Variants in SLIT2 observed in about 807,000 individuals in gnomAD.
The protein encoded by SLIT2 is slit homolog 2 protein.
SLIT2 carries 41 observed loss-of-function variants against 185.7 expected under a neutral mutation model. The observed-to-expected ratio is 0.22, with a 90% CI of 0.17 to 0.29. SLIT2 has a LOEUF of 0.29. Among genes scored for constraint, SLIT2 ranks in the 10% least tolerant of loss-of-function variants. The pLI is 1.00. For missense variants in SLIT2, 1,571 were observed against 1,909.0 expected, an observed-to-expected ratio of 0.82 and a Z score of 3.30; for synonymous variants, 693 against 680.2, an observed-to-expected ratio of 1.02 and a Z score of -0.29.
rs116343656 is a variant in SLIT2 at position 20,382,410 on chromosome 4, G to A, written c.396-85342G>A. ...AGCAGTAGAGCCTTCTAACATGATC[G>A]TTTTTGTAGAAAATCTTGAGGAATT... On this transcript the variant is annotated intron_variant, in intron 4 of 36. Transcript: ENST00000504154. Among the ~76,000 whole-genome samples the A allele has an allele frequency of 4.5e-3, 688 of 152,106 alleles. 1 individual carries two copies. The highest frequency in any genetic ancestry group is 7.5e-3 in the Non-Finnish European group (507 of 67,972).
chr4:20,336,578 G>A (rs1389486071), intron 4 of SLIT2, among the ~76,000 whole-genome samples: 1 of 152,084 alleles, frequency 6.6e-6, no homozygotes, highest in Non-Finnish European at 1.5e-5. Context: ...AATACCTAAT[G>A]TAGATGATGA....
intron 29 of SLIT2, among the ~76,000 whole-genome samples, chr4:20,578,701 C>T (rs1321460278): frequency 6.6e-6 from 1 of 152,114 alleles, no homozygotes; most frequent in African/African-American, 2.4e-5. Context: ...TTACGTGTGC[C>T]AGCAACACCA....
intron 18 of SLIT2, among the ~76,000 whole-genome samples, chr4:20,537,970 A>G (rs1314616989): frequency 2.0e-5 from 3 of 151,902 alleles, no homozygotes; most frequent in African/African-American, 7.3e-5. Flanking sequence ...CTATTTATTT[A>G]TTTATTTGAG....
At chr4:20,430,863 G>A (rs1728918156) in intron 4 of SLIT2, among the ~76,000 whole-genome samples, 1 of 152,084 alleles carries the variant, frequency 6.6e-6, no homozygotes, top group Admixed American at 6.5e-5. Context: ...TTTTACCACA[G>A]GCTCTACATT....
chr4:20,285,654 C>T (rs1715195337), intron 4 of SLIT2, among the ~76,000 whole-genome samples: 1 of 152,060 alleles, frequency 6.6e-6, no homozygotes, highest in South Asian at 2.1e-4. Context: ...TTCAAGTGAT[C>T]CTCCCTCCTA....
At chr4:20,449,562 C>T (rs532451306) in intron 4 of SLIT2, among the ~76,000 whole-genome samples, 69 of 152,148 alleles carry the variant, frequency 4.5e-4, no homozygotes, top group African/African-American at 1.3e-3. Context: ...GCACACACCA[C>T]CACGCCCAGC....
intron 26 of SLIT2, among the ~76,000 whole-genome samples, chr4:20,559,025 G>A (rs1724483679): frequency 6.6e-6 from 1 of 151,906 alleles, no homozygotes; most frequent in South Asian, 2.1e-4. Context: ...GGAGGGCTGT[G>A]AAAGATGTAA....
At chr4:20,339,768 C>G (rs542775150) in intron 4 of SLIT2, among the ~76,000 whole-genome samples, 2 of 152,060 alleles carry the variant, frequency 1.3e-5, no homozygotes, top group Non-Finnish European at 2.9e-5. Context: ...TCTTGGATTT[C>G]TATCCTGAAG....
At chr4:20,544,888 T>G (rs972426668) in intron 21 of SLIT2, among the ~76,000 whole-genome samples, 1 of 151,930 alleles carries the variant, frequency 6.6e-6, no homozygotes, top group Non-Finnish European at 1.5e-5. Flanking sequence ...TCTAGTGGTA[T>G]CAAGAAAAAC....
chr4:20,568,782 T>G, intron 28 of SLIT2, 83 bp from the exon 29 acceptor site: 1 of 1,265,874 alleles, frequency 7.9e-7, no homozygotes, highest in Non-Finnish European at 1.1e-6. Flanking sequence ...ATGAGTGTAA[T>G]TATGCTTTTT....
At chr4:20,595,265 T>C (rs1360434974) in intron 30 of SLIT2, among the ~76,000 whole-genome samples, 1 of 152,208 alleles carries the variant, frequency 6.6e-6, no homozygotes, top group Non-Finnish European at 1.5e-5. Flanking sequence ...GTTAATCTTT[T>C]TTTAAATATG....
At chr4:20,379,902 A>T (rs1724352845) in intron 4 of SLIT2, among the ~76,000 whole-genome samples, 1 of 152,106 alleles carries the variant, frequency 6.6e-6, no homozygotes, top group African/African-American at 2.4e-5. Context: ...TTCGAAGTTC[A>T]GGGAGGACGA....
At chr4:20,538,559 A>T (rs1214398345) in intron 18 of SLIT2, among the ~76,000 whole-genome samples, 1 of 152,106 alleles carries the variant, frequency 6.6e-6, no homozygotes, top group Non-Finnish European at 1.5e-5. Context: ...TAGCCAACTT[A>T]TGTTTAGAAA....
intron 4 of SLIT2, among the ~76,000 whole-genome samples, chr4:20,358,015 T>A: frequency 6.6e-6 from 1 of 152,280 alleles, no homozygotes; most frequent in East Asian, 1.9e-4. Flanking sequence ...ATTTTATGGT[T>A]ATTTATAACA....
At chr4:20,475,012 C>G (rs1176316053) in intron 5 of SLIT2, among the ~76,000 whole-genome samples, 1 of 151,542 alleles carries the variant, frequency 6.6e-6, no homozygotes, top group African/African-American at 2.4e-5. Flanking sequence ...GTAGGAATTA[C>G]AGACTCTTTC....
rs560440997 is a variant in SLIT2, at chr4:20,253,301, C to T, written c.-515C>T. On this transcript the variant is annotated 5_prime_UTR_variant, in exon 1 of 37. Coordinates refer to ENST00000504154, the MANE Select transcript of SLIT2 (RefSeq NM_004787.4). ...CTACGGGCCCGCTGGGCTTCCGCGC[C>T]TTCTAGCTTCCGGAGCCCACTTTGA... 2 of 154,832 alleles carry T rather than the reference C, an allele frequency of 1.3e-5. No individual in the cohort carries two copies. Among genetic ancestry groups the T allele is most frequent in the African/African-American group, 4.8e-5 (2 of 41,600 alleles). The allele number at this position is 154,832 out of a possible 1,614,324, so 9.6% of individuals were successfully genotyped here.
At chr4:20,540,687 G>A (rs147162495) in intron 19 of SLIT2, among the ~76,000 whole-genome samples, 19 of 152,202 alleles carry the variant, frequency 1.2e-4, no homozygotes, top group African/African-American at 4.1e-4. Context: ...AATAAAGATA[G>A]AGAAAAAAGT....
At chr4:20,420,228 A>G (rs1728067493) in intron 4 of SLIT2, among the ~76,000 whole-genome samples, 1 of 152,140 alleles carries the variant, frequency 6.6e-6, no homozygotes, top group Admixed American at 6.5e-5. Flanking sequence ...CTCTGTCCAC[A>G]TACTACAACT....
At chr4:20,410,398 G>A (rs1366816916) in intron 4 of SLIT2, among the ~76,000 whole-genome samples, 1 of 150,552 alleles carries the variant, frequency 6.6e-6, no homozygotes, top group Admixed American at 6.6e-5. Flanking sequence ...ACAGGTGCCT[G>A]CCACCATGCC....
Sources: allele counts gnomAD v4.1 joint callset (sites outside exome capture counted in the v4.1 genomes callset), GRCh38; gene constraint gnomAD v4.1.1; transcripts MANE v1.5; gene names NCBI Gene and HGNC (gene_info 2026-07-23, HGNC 2026-07-21).